Variants in CGNL1 observed in about 807,000 individuals in gnomAD.
The protein encoded by CGNL1 is cingulin-like protein 1.
Under a neutral mutation model 141.2 loss-of-function variants are expected in CGNL1, and 132 were observed. The ratio of observed to expected loss-of-function variants is 0.93; its 90% CI spans 0.81 to 1.08. The LOEUF is 1.08. CGNL1 is among the 50% of genes least tolerant of loss of function. The pLI is 0.00. For missense variants in CGNL1, 1,870 were observed against 1,588.6 expected (o/e 1.18, Z -3.01); for synonymous variants, 690 against 622.1 (o/e 1.11, Z -1.63).
intron 1 of CGNL1, among the ~76,000 whole-genome samples, chr15:57,421,242 T>A (rs1468881355): frequency 6.6e-6 from 1 of 152,200 alleles, no homozygotes; most frequent in African/African-American, 2.4e-5. Flanking sequence ...ACTTCTTACC[T>A]CAAGAACTGT....
At chr15:57,475,136 T>C (rs905119117) in intron 8 of CGNL1, among the ~76,000 whole-genome samples, 2 of 152,128 alleles carry the variant, frequency 1.3e-5, no homozygotes, top group South Asian at 4.1e-4. Context: ...TGTTGCCCCC[T>C]TCTGACCACA....
intron 14 of CGNL1, among the ~76,000 whole-genome samples, chr15:57,537,392 C>G (rs753292775): frequency 2.6e-5 from 4 of 151,966 alleles, no homozygotes; most frequent in Middle Eastern, 3.4e-3. Context: ...CTAAATGGGA[C>G]CGTCGTCTTT....
At chr15:57,424,621 C>T (rs1296860564) in intron 1 of CGNL1, among the ~76,000 whole-genome samples, 2 of 152,064 alleles carry the variant, frequency 1.3e-5, no homozygotes, top group East Asian at 1.9e-4. Context: ...GTTTGGGTAT[C>T]GGGTTATATT....
chr15:57,451,771 A>G (rs1373389365), intron 5 of CGNL1, among the ~76,000 whole-genome samples, 170 bp downstream of exon 5: 1 of 152,076 alleles, frequency 6.6e-6, no homozygotes, highest in African/African-American at 2.4e-5. Context: ...CTGTCCAAAG[A>G]ATTTTTTTTT....
At chr15:57,479,042 G>A (rs1339749021) in intron 8 of CGNL1, among the ~76,000 whole-genome samples, 1 of 152,206 alleles carries the variant, frequency 6.6e-6, no homozygotes, top group Non-Finnish European at 1.5e-5. Flanking sequence ...AAGCACTGCA[G>A]AAGCCCACTT....
chr15:57,393,629 C>T (rs1023145815), intron 1 of CGNL1, among the ~76,000 whole-genome samples: 16 of 152,002 alleles, frequency 1.1e-4, no homozygotes, highest in Non-Finnish European at 1.5e-4. Flanking sequence ...ATCATTGGTA[C>T]GTTATGTTCC....
Position 57,547,765 on chromosome 15 carries a change from C to T in CGNL1, c.*275C>T. ...GATACACTTTGGTAGGCTGAGGCCC[C>T]TGTTCCACAGCCACTATTTGCATTG... On this transcript the variant is annotated 3_prime_UTR_variant, in exon 19 of 19. Coordinates refer to ENST00000281282, the MANE Select transcript of CGNL1 (RefSeq NM_032866.5). 1 of 398,248 alleles carries T rather than the reference C, an allele frequency of 2.5e-6. No homozygotes were observed. The highest frequency in any genetic ancestry group is 4.5e-6 in the Non-Finnish European group (1 of 222,200). 24.7% of individuals were successfully genotyped at this position (398,248 alleles called of 1,614,324 possible). A position where few individuals can be genotyped will look rare whatever the true frequency, so the allele number is the denominator to read the frequency against.
chr15:57,528,496 C>T (rs1014026591), intron 12 of CGNL1, among the ~76,000 whole-genome samples, 158 bp from the exon 13 acceptor site: 3 of 151,858 alleles, frequency 2.0e-5, no homozygotes, highest in Non-Finnish European at 4.4e-5. Flanking sequence ...AAAGTAAGGC[C>T]CAGAGGGAGG....
At chr15:57,539,688 C>T (rs867377359) in intron 14 of CGNL1, among the ~76,000 whole-genome samples, 6 of 152,360 alleles carry the variant, frequency 3.9e-5, no homozygotes, top group East Asian at 1.9e-4. Flanking sequence ...TGTGCTTTAC[C>T]GGCAGTCCTT....
chr15:57,492,004 T>C (rs955645896), intron 8 of CGNL1, among the ~76,000 whole-genome samples: 9 of 152,186 alleles, frequency 5.9e-5, no homozygotes, highest in African/African-American at 2.2e-4. Flanking sequence ...TAATGTGGTA[T>C]CCTGAATGGG....
rs148984093 is a variant in CGNL1 at position 57,544,499 on chromosome 15, C to T, written c.3402C>T (p.Ile1134=). 20 of 1,613,968 alleles carry T rather than the reference C, an allele frequency of 1.2e-5. No individual in the cohort carries two copies. In the African/African-American group the frequency reaches 2.5e-4, roughly 20 times the overall value. ...RQNKDLKSRI[I]HLEGSYRSSK... ...ACAAGGACTTAAAGAGCCGGATTAT[C>T]CACCTGGAAGGTTCCTACAGGTCCA... Residue 1134 remains isoleucine (I), a synonymous_variant, in exon 16 of 19, where the codon ATC becomes ATT. Coordinates refer to ENST00000281282, the MANE Select transcript of CGNL1 (RefSeq NM_032866.5).
intron 8 of CGNL1, among the ~76,000 whole-genome samples, chr15:57,491,933 A>G (rs2063870007): frequency 6.6e-6 from 1 of 152,298 alleles, no homozygotes; most frequent in African/African-American, 2.4e-5. Context: ...CATCAAAACC[A>G]GGGAAAGTCT....
chr15:57,546,722 G>GC (rs2140261105), intron 18 of CGNL1, among the ~76,000 whole-genome samples: 1 of 152,282 alleles, frequency 6.6e-6, no homozygotes, highest in African/African-American at 2.4e-5. Flanking sequence ...GCAGGGTTGG[G>GC]GACTTTGTGG....
intron 9 of CGNL1, 57 bp from the exon 10 acceptor site, chr15:57,518,336 C>A: frequency 7.9e-7 from 1 of 1,271,818 alleles, no homozygotes; most frequent in Non-Finnish European, 1.1e-6. Context: ...TCCATTGAGT[C>A]AGTTTCATAG....
chr15:57,403,710 G>A (rs548643719), intron 1 of CGNL1, among the ~76,000 whole-genome samples: 18 of 152,340 alleles, frequency 1.2e-4, no homozygotes, highest in Non-Finnish European at 1.8e-4. Flanking sequence ...CTAGAGGCAG[G>A]CTGGAAAATA....
intron 8 of CGNL1, among the ~76,000 whole-genome samples, chr15:57,472,441 G>A (rs2063594357): frequency 6.6e-6 from 1 of 152,138 alleles, no homozygotes; most frequent in African/African-American, 2.4e-5. Context: ...ACAAGCAGGT[G>A]TGTGTGTAGT....
chr15:57,526,663 T>G (rs1281825928), intron 12 of CGNL1, among the ~76,000 whole-genome samples: 1 of 123,792 alleles, frequency 8.1e-6, no homozygotes, highest in African/African-American at 5.0e-5. Context: ...CAAAGGGTGA[T>G]TTTAACTACT....
intron 8 of CGNL1, among the ~76,000 whole-genome samples, chr15:57,468,833 AT>A (rs773795284): frequency 8.5e-5 from 13 of 152,084 alleles, no homozygotes; most frequent in Non-Finnish European, 1.3e-4. Flanking sequence ...TACTGTTCTC[AT>A]GGTAGTGAAT....
At chr15:57,475,492 G>T (rs2063641130) in intron 8 of CGNL1, among the ~76,000 whole-genome samples, 1 of 147,808 alleles carries the variant, frequency 6.8e-6, no homozygotes, top group African/African-American at 2.5e-5. Flanking sequence ...ATACAAGTGT[G>T]GTGTGTGTGT....
Sources: allele counts gnomAD v4.1 joint callset (sites outside exome capture counted in the v4.1 genomes callset), GRCh38; gene constraint gnomAD v4.1.1; transcripts MANE v1.5; gene names NCBI Gene and HGNC (gene_info 2026-07-23, HGNC 2026-07-21).